The following PCDHA4 variants were observed in gnomAD, a reference collection of about 807,000 sequenced individuals.
PCDHA4 encodes the protein protocadherin alpha-4.
In PCDHA4, 49 loss-of-function variants were observed where a neutral mutation model predicts 61.4. The ratio of observed to expected loss-of-function variants is 0.80; its 90% CI spans 0.63 to 1.01. The LOEUF (loss-of-function observed/expected upper bound fraction) is 1.01. Ranked by LOEUF, PCDHA4 falls within the 50% of genes least tolerant of loss-of-function variation. PCDHA4 has a pLI of 0.00. For synonymous variants in PCDHA4, 590 were observed against 550.3 expected (o/e 1.07, Z -1.01); for missense variants, 1,254 against 1,235.8 (o/e 1.01, Z -0.22).
intron 1 of PCDHA4, chr5:140,876,942 G>C (rs370156477): frequency 6.2e-7 from 1 of 1,613,660 alleles, no homozygotes; most frequent in South Asian, 1.1e-5. Flanking sequence ...ACGCGCTGGT[G>C]TCCTACTCGC....
At chr5:140,965,561 A>T (rs2095912417) in intron 1 of PCDHA4, among the ~76,000 whole-genome samples, 1 of 152,114 alleles carries the variant, frequency 6.6e-6, no homozygotes, top group Admixed American at 6.5e-5. Context: ...TTAGGAGATC[A>T]ACAGTAACGC....
intron 1 of PCDHA4, among the ~76,000 whole-genome samples, chr5:140,941,214 C>CTTTTT (rs1554214039): frequency 1.2e-4 from 15 of 122,492 alleles, no homozygotes; most frequent in African/African-American, 4.3e-4. Context: ...TTTCTTTCTT[C>CTTTTT]CTTTCTTTCT....
intron 1 of PCDHA4, among the ~76,000 whole-genome samples, chr5:140,975,382 A>G (rs1219046015): frequency 1.3e-5 from 2 of 152,258 alleles, no homozygotes; most frequent in African/African-American, 4.8e-5. Flanking sequence ...AATCATGGGA[A>G]TAAGATCCAT....
chr5:140,835,505 GT>G, intron 1 of PCDHA4: 1 of 1,613,954 alleles, frequency 6.2e-7, no homozygotes, highest in Non-Finnish European at 8.5e-7. Flanking sequence ...TGATTAGCGT[GT>G]TTGACCGAGA....
chr5:140,852,911 C>G lies in PCDHA4; in HGVS notation c.2385+43339C>G, dbSNP rs2150524968. ...TTTTTTTTTTTGAGTCAGAGTCTCG[C>G]TCTGTTGCCCAGGCTGGAGTGCAGT... On this transcript the variant is annotated intron_variant, in intron 1 of 3. Transcript: ENST00000530339. The G allele has an allele frequency of 3.8e-6, 3 of 791,732 alleles. 1 individual carries two copies. The South Asian group carries it at 1.7e-4, about 44-fold the overall frequency. The allele number at this position is 791,732 out of a possible 1,614,324, so 49.0% of individuals were successfully genotyped here. A position where few individuals can be genotyped will look rare whatever the true frequency, so the allele number is the denominator to read the frequency against.
chr5:140,964,216 T>C (rs1267795511), intron 1 of PCDHA4, among the ~76,000 whole-genome samples: 1 of 152,214 alleles, frequency 6.6e-6, no homozygotes, highest in Non-Finnish European at 1.5e-5. Context: ...TAGTACAATG[T>C]CTTTCAAAAT....
intron 1 of PCDHA4, chr5:140,863,386 T>C (rs1554158163): frequency 9.7e-7 from 1 of 1,032,576 alleles, no homozygotes; most frequent in South Asian, 1.2e-5. Flanking sequence ...CGAGAGCTCG[T>C]GCATGCCGGG....
chr5:140,871,386 G>A lies in PCDHA4; in HGVS notation c.2385+61814G>A, dbSNP rs782650816. The A allele has an allele frequency of 3.1e-6, 5 of 1,614,058 alleles. No individual in the cohort carries two copies. In the South Asian group the frequency reaches 4.4e-5, roughly 14 times the overall value. ...GGCGGCAGAGGGTGTGCTCTGAGGA[G>A]GGCCCACCTAAGACGGACCTCATGG... On this transcript the variant is annotated intron_variant, in intron 1 of 3. Coordinates refer to ENST00000530339, the MANE Select transcript of PCDHA4 (RefSeq NM_018907.4).
chr5:140,990,198 C>T (rs954813003), intron 3 of PCDHA4, among the ~76,000 whole-genome samples: 5 of 151,968 alleles, frequency 3.3e-5, no homozygotes, highest in South Asian at 2.1e-4. Context: ...AATGTGGACC[C>T]GAAAGAGAAC....
chr5:140,999,368 A>G (rs549083218), intron 3 of PCDHA4, among the ~76,000 whole-genome samples: 1 of 152,280 alleles, frequency 6.6e-6, no homozygotes, highest in African/African-American at 2.4e-5. Context: ...TCACAATCCC[A>G]TTAGATGGTT....
intron 1 of PCDHA4, chr5:140,857,813 G>C: frequency 1.9e-6 from 3 of 1,597,816 alleles, no homozygotes; most frequent in Non-Finnish European, 2.6e-6. Context: ...TGCGGGTCAC[G>C]TGGTGGCTAA....
At chr5:141,008,356 A>G (rs1440951671) in intron 3 of PCDHA4, among the ~76,000 whole-genome samples, 1 of 152,204 alleles carries the variant, frequency 6.6e-6, no homozygotes, top group Non-Finnish European at 1.5e-5. Context: ...CGTGTCAACC[A>G]AAGGAGCAGT....
At chr5:140,821,900 C>T (rs2150111777) in intron 1 of PCDHA4, 2 of 1,614,206 alleles carry the variant, frequency 1.2e-6, no homozygotes, top group South Asian at 1.1e-5. Flanking sequence ...AAACACGGAA[C>T]CTTCGTTGGC....
At chr5:140,825,516 C>T (rs1278586078) in intron 1 of PCDHA4, 1 of 151,016 alleles carries the variant, frequency 6.6e-6, no homozygotes, top group Non-Finnish European at 1.5e-5. Flanking sequence ...TCTTGGCCTC[C>T]CAGGTTCAAG....
At chr5:140,953,025 G>A (rs1408416785) in intron 1 of PCDHA4, among the ~76,000 whole-genome samples, 9 of 152,024 alleles carry the variant, frequency 5.9e-5, no homozygotes, top group African/African-American at 1.9e-4. Flanking sequence ...ACATTAAGGG[G>A]GAAATCCACC....
At chr5:140,871,198 C>T (rs540384431) in intron 1 of PCDHA4, 3 of 1,613,730 alleles carry the variant, frequency 1.9e-6, no homozygotes, top group African/African-American at 1.3e-5. Context: ...CAACGTGTAC[C>T]TGATCATCGC....
chr5:140,841,339 A>T, intron 1 of PCDHA4: 1 of 1,610,480 alleles, frequency 6.2e-7, no homozygotes, highest in Non-Finnish European at 8.5e-7. Flanking sequence ...ATCACTGGCG[A>T]GGAGAGCTGG....
chr5:140,842,778 A>G lies in PCDHA4; in HGVS notation c.2385+33206A>G, dbSNP rs2150344056. 1.9e-5 allele frequency: 31 copies of G among 1,594,532 alleles called. No homozygotes were observed. The East Asian group carries it at 6.7e-4, about 34-fold the overall frequency. ...TCTGCGCGAGACGCGGACGCGCAGG[A>G]GAACGCGCTGGTGTCCTACTCGCTT... is the stretch of plus-strand genomic sequence containing the variant. On this transcript the variant is annotated intron_variant, in intron 1 of 3. Coordinates refer to ENST00000530339, the MANE Select transcript of PCDHA4 (RefSeq NM_018907.4).
chr5:140,854,238 G>A (rs2043048996), intron 1 of PCDHA4: 1 of 636,222 alleles, frequency 1.6e-6, no homozygotes, highest in Non-Finnish European at 2.0e-6. Flanking sequence ...GGATATTTAT[G>A]TTATCACTTG....
Sources: allele counts gnomAD v4.1 joint callset (sites outside exome capture counted in the v4.1 genomes callset), GRCh38; gene constraint gnomAD v4.1.1; transcripts MANE v1.5; gene names NCBI Gene and HGNC (gene_info 2026-07-23, HGNC 2026-07-21).